MYO1H: variants seen among roughly 807,000 people sequenced by gnomAD.
MYO1H encodes the protein unconventional myosin-Ih.
MYO1H carries 118 observed loss-of-function variants against 149.3 expected under a neutral mutation model. The ratio of observed to expected loss-of-function variants is 0.79; its 90% CI spans 0.68 to 0.92. MYO1H has a LOEUF of 0.92. MYO1H is among the 40% of genes least tolerant of loss of function. The pLI, the probability that MYO1H is intolerant of heterozygous loss-of-function variation, is 0.00. For missense variants in MYO1H, 1,212 were observed against 1,280.7 expected (o/e 0.95, Z 0.82); for synonymous variants, 447 against 465.2 (o/e 0.96, Z 0.50).
chr12:109,378,468 GCA>G (rs1309228425), intron 1 of MYO1H, among the ~76,000 whole-genome samples: 1 of 151,520 alleles, frequency 6.6e-6, no homozygotes, highest in Non-Finnish European at 1.5e-5. Context: ...CCACAGGTGT[GCA>G]CCACCATACC....
the MYO1H span, among the ~76,000 whole-genome samples, chr12:109,342,370 C>G: frequency 5.9e-5 from 9 of 152,112 alleles, no homozygotes; most frequent in African/African-American, 1.9e-4. Flanking sequence ...GTCTTGAACT[C>G]CTGACCTCAA....
intron 10 of MYO1H, 97 bp downstream of exon 10, chr12:109,408,010 G>T (rs1870477640): frequency 6.6e-7 from 1 of 1,510,854 alleles, no homozygotes; most frequent in Non-Finnish European, 9.1e-7. Context: ...AATGAACTGT[G>T]GGCGCCTCAT....
intron 1 of MYO1H, among the ~76,000 whole-genome samples, chr12:109,384,053 T>C (rs1014132073): frequency 1.3e-5 from 2 of 152,262 alleles, no homozygotes; most frequent in African/African-American, 4.8e-5. Flanking sequence ...ACGACAGGAC[T>C]GGGTATGTAA....
chr12:109,407,772 T>G lies in MYO1H; in HGVS notation c.1036-22T>G, dbSNP rs371865711. On this transcript the variant is annotated intron_variant, in intron 9 of 31. Coordinates refer to ENST00000310903, the Ensembl canonical transcript of MYO1H. ...GGCTTCTTTTTTCCACCTATAATGA[T>G]GCACCTTGTCATTCTTTTCAGGTGA... 7.4e-4 allele frequency: 1,198 copies of G among 1,612,594 alleles called. 1 individual carries two copies. Among genetic ancestry groups the G allele is most frequent in the Non-Finnish European group, 9.1e-4 (1,078 of 1,178,978 alleles).
intron 25 of MYO1H, 44 bp from the exon 26 acceptor site, chr12:109,441,571 A>G: frequency 7.2e-7 from 1 of 1,382,894 alleles, no homozygotes; most frequent in Non-Finnish European, 1.0e-6. Context: ...ATCCCAAAGA[A>G]GCCTGTGGCT....
At chr12:109,341,703 G>C in the MYO1H span, among the ~76,000 whole-genome samples, 422 of 152,298 alleles carry the variant, frequency 2.8e-3, 3 homozygotes, top group African/African-American at 9.5e-3. Flanking sequence ...TACTCTAGTT[G>C]GTCCTAAGTA....
chr12:109,323,096 G>A, the MYO1H span, among the ~76,000 whole-genome samples: 1 of 152,176 alleles, frequency 6.6e-6, no homozygotes, highest in Non-Finnish European at 1.5e-5. Flanking sequence ...GACAGAGTGA[G>A]ACTGTCTCAA....
chr12:109,439,841 G>A (rs1258691921), intron 24 of MYO1H, 51 bp downstream of exon 24: 13 of 1,525,172 alleles, frequency 8.5e-6, no homozygotes, highest in Admixed American at 1.7e-5. Context: ...GGGCACTGAC[G>A]AAGCTTAACT....
intron 1 of MYO1H, among the ~76,000 whole-genome samples, chr12:109,388,091 A>C (rs994410534): frequency 7.2e-5 from 11 of 152,312 alleles, no homozygotes; most frequent in Admixed American, 7.2e-4. Flanking sequence ...TGTAGCAAGA[A>C]TTTCCCTTTC....
chr12:109,388,966 C>A, intron 2 of MYO1H, 122 bp downstream of exon 2: 1 of 1,263,628 alleles, frequency 7.9e-7, no homozygotes, highest in Non-Finnish European at 1.1e-6. Flanking sequence ...GATACTGAGG[C>A]GCCACTCTTA....
chr12:109,381,177 G>A (rs1869197902), intron 1 of MYO1H, among the ~76,000 whole-genome samples: 2 of 152,118 alleles, frequency 1.3e-5, no homozygotes, highest in African/African-American at 2.4e-5. Flanking sequence ...CAAGGTCTAG[G>A]TTGAAAATAA....
chr12:109,403,773 C>G (rs192628096), intron 6 of MYO1H, among the ~76,000 whole-genome samples: 2 of 152,172 alleles, frequency 1.3e-5, no homozygotes, highest in East Asian at 3.9e-4. Flanking sequence ...TTTCCCAGAA[C>G]AGAGATTTTT....
At chr12:109,395,471 C>T (rs1051677147) in intron 3 of MYO1H, among the ~76,000 whole-genome samples, 2 of 152,134 alleles carry the variant, frequency 1.3e-5, no homozygotes, top group Non-Finnish European at 2.9e-5. Flanking sequence ...CGCGGTGGCT[C>T]ACACCTGTAA....
At chr12:109,334,354 G>A in the MYO1H span, among the ~76,000 whole-genome samples, 4 of 152,028 alleles carry the variant, frequency 2.6e-5, no homozygotes, top group Non-Finnish European at 5.9e-5. Context: ...ATGTTGGTTG[G>A]TTGATTGACA....
At chr12:109,338,817 T>G in the MYO1H span, among the ~76,000 whole-genome samples, 1 of 151,938 alleles carries the variant, frequency 6.6e-6, no homozygotes, top group African/African-American at 2.4e-5. Flanking sequence ...CTGCTTCATT[T>G]TCTGCTTCAC....
Position 109,432,874 on chromosome 12 carries a change from T to C in MYO1H, c.1950-23T>C, listed in dbSNP as rs774753148. The C allele has an allele frequency of 1.1e-5, 17 of 1,600,212 alleles. No individual in the cohort carries two copies. In the Admixed American group the frequency reaches 2.8e-4, roughly 27 times the overall value. On this transcript the variant is annotated intron_variant, in intron 19 of 31. Transcript: ENST00000310903. ...TAGAGGAAGGTACGGTCACAGCTTC[T>C]CCATGTCCATCTCCTCTCCTAGGTA...
the MYO1H span, among the ~76,000 whole-genome samples, chr12:109,342,220 C>T: frequency 6.7e-6 from 1 of 150,200 alleles, no homozygotes; most frequent in Admixed American, 6.7e-5. Flanking sequence ...TCTTGGCTCA[C>T]TGCAACCTCC....
chr12:109,396,548 G>A lies in MYO1H; in HGVS notation c.455G>A (p.Arg152His), dbSNP rs534741418. The A allele has an allele frequency of 9.3e-6, 15 of 1,613,558 alleles. No homozygotes were observed. In the East Asian group the frequency reaches 1.3e-4, roughly 14 times the overall value. The change falls in exon 4 of 32, where the codon CGT becomes CAT. Residue 152 changes from arginine to histidine, a missense_variant. Arg to His is a conservative substitution (Grantham distance 29). Coordinates refer to ENST00000310903, the Ensembl canonical transcript of MYO1H. ...ATGACCCAGTCACTACAAATAGCCC[G>A]TGACAGACTGCTGTTCTCCAACCCA...
chr12:109,447,502 T>G, exon 32 of MYO1H: 1 of 471,360 alleles, frequency 2.1e-6, no homozygotes, highest in Non-Finnish European at 3.9e-6. Flanking sequence ...CAAGATTCTC[T>G]ACCTCTGTCA....
Sources: gnomAD v4.1 joint callset for allele counts (sites outside exome capture counted in the v4.1 genomes callset) on GRCh38, gnomAD v4.1.1 for gene constraint, MANE v1.5 for transcripts, NCBI Gene and HGNC (gene_info 2026-07-23, HGNC 2026-07-21) for gene names.